Variants in LRRTM4 observed in about 807,000 individuals in gnomAD.
LRRTM4 encodes the protein leucine rich repeat transmembrane neuronal 4, also known as leucine-rich repeat transmembrane neuronal protein 4.
A neutral mutation model predicts 47.6 loss-of-function variants in LRRTM4; 25 were observed. The ratio of observed to expected loss-of-function variants is 0.53; its 90% CI spans 0.38 to 0.73. The LOEUF is 0.73. Among genes scored for constraint, LRRTM4 ranks in the 30% least tolerant of loss-of-function variants. The pLI is 0.00. For synonymous variants in LRRTM4, 311 were observed against 269.5 expected (o/e 1.15, Z -1.51); for missense variants, 638 against 713.4 (o/e 0.89, Z 1.20).
chr2:76,926,022 C>G (rs887952242), intron 3 of LRRTM4, among the ~76,000 whole-genome samples: 3 of 152,130 alleles, frequency 2.0e-5, no homozygotes, highest in African/African-American at 7.2e-5. Flanking sequence ...CCTTTTCTTT[C>G]CAACTGCTAT....
chr2:77,226,069 A>T (rs576051599), intron 3 of LRRTM4, among the ~76,000 whole-genome samples: 1 of 151,766 alleles, frequency 6.6e-6, no homozygotes, highest in South Asian at 2.1e-4. Context: ...TATAATTATT[A>T]TTGTTTTAAA....
intron 3 of LRRTM4, among the ~76,000 whole-genome samples, chr2:76,807,196 T>C (rs1486809195): frequency 6.6e-6 from 1 of 151,784 alleles, no homozygotes; most frequent in African/African-American, 2.4e-5. Flanking sequence ...ATGAACACTG[T>C]TTGACTATGG....
At chr2:77,488,977 T>C (rs1274816317) in intron 3 of LRRTM4, among the ~76,000 whole-genome samples, 1 of 135,344 alleles carries the variant, frequency 7.4e-6, no homozygotes, top group African/African-American at 2.8e-5. Context: ...AGTGCACATG[T>C]ACCCTAAAAC....
intron 3 of LRRTM4, among the ~76,000 whole-genome samples, chr2:76,927,179 C>T (rs1200811797): frequency 6.6e-6 from 1 of 151,972 alleles, no homozygotes; most frequent in Admixed American, 6.6e-5. Flanking sequence ...CCCTAGGAAC[C>T]CTCCCTTTGC....
intron 3 of LRRTM4, among the ~76,000 whole-genome samples, chr2:77,481,178 T>C (rs1321082322): frequency 1.3e-5 from 2 of 152,282 alleles, no homozygotes; most frequent in African/African-American, 4.8e-5. Flanking sequence ...TACCAAACTT[T>C]TTTCTAACAT....
In LRRTM4 at chr2:76,980,074, A is replaced by T. The variant is rs965934451; in HGVS notation, c.1552-231158T>A. Among the ~76,000 whole-genome samples, 5 of 152,168 alleles carry T rather than the reference A, an allele frequency of 3.3e-5. No individual in the cohort carries two copies. The East Asian group carries it at 9.7e-4, about 30-fold the overall frequency. On this transcript the variant is annotated intron_variant, in intron 3 of 3. Coordinates refer to ENST00000409884, the MANE Select transcript of LRRTM4 (RefSeq NM_001134745.3). ...TTTATATAATGAATAGTGAGATCAG[A>T]CTATCTCTACATAACTAAAATTATA... is the stretch of plus-strand genomic sequence containing the variant.
chr2:76,797,416 G>C (rs530246471), intron 3 of LRRTM4, among the ~76,000 whole-genome samples: 92 of 152,106 alleles, frequency 6.0e-4, no homozygotes, highest in South Asian at 4.8e-3. Flanking sequence ...AGCAAATGCT[G>C]AGAGATTTTG....
intron 3 of LRRTM4, among the ~76,000 whole-genome samples, chr2:77,085,723 C>T (rs1680688775): frequency 6.6e-6 from 1 of 152,170 alleles, no homozygotes; most frequent in Admixed American, 6.5e-5. Flanking sequence ...AAAGTGGTGT[C>T]ATATTCTATG....
At chr2:77,011,546 T>C (rs200406643) in intron 3 of LRRTM4, among the ~76,000 whole-genome samples, 13,789 of 142,322 alleles carry the variant, frequency 0.097, 924 homozygotes, top group East Asian at 0.35. Context: ...TGTGTGTGTG[T>C]GTGTGTGTGT....
chr2:77,418,727 T>C (rs1268992193), intron 3 of LRRTM4, among the ~76,000 whole-genome samples: 2 of 152,174 alleles, frequency 1.3e-5, no homozygotes, highest in Non-Finnish European at 2.9e-5. Context: ...GAACTTGTTG[T>C]TCTTCCAGCC....
At chr2:76,788,014 A>T (rs1323066349) in intron 3 of LRRTM4, among the ~76,000 whole-genome samples, 2 of 152,130 alleles carry the variant, frequency 1.3e-5, no homozygotes, top group Non-Finnish European at 2.9e-5. Context: ...AATATATGTA[A>T]AAACAATTAG....
intron 3 of LRRTM4, among the ~76,000 whole-genome samples, chr2:77,426,786 TAC>T (rs2103894718): frequency 6.6e-6 from 1 of 151,360 alleles, no homozygotes; most frequent in East Asian, 2.0e-4. Context: ...ACATAATATG[TAC>T]ACACACAGAG....
intron 3 of LRRTM4, among the ~76,000 whole-genome samples, chr2:77,207,349 G>GTATA (rs1553409290): frequency 0.43 from 52,010 of 120,556 alleles, 11,964 homozygotes; most frequent in Non-Finnish European, 0.51. Context: ...TCATATATGT[G>GTATA]TATATATATA....
chr2:77,009,627 C>G (rs1677794097), intron 3 of LRRTM4: 1 of 152,044 alleles, frequency 6.6e-6, no homozygotes, highest in Non-Finnish European at 1.5e-5. Context: ...TGTGGTAAGT[C>G]TCGCATTTTT....
intron 3 of LRRTM4, chr2:77,517,842 C>T: frequency 1.0e-6 from 1 of 986,020 alleles, no homozygotes; most frequent in Non-Finnish European, 1.2e-6. Flanking sequence ...TAAAAATTTA[C>T]AACAAAATCA....
At chr2:77,324,511 T>G (rs990872549) in intron 3 of LRRTM4, among the ~76,000 whole-genome samples, 5 of 150,862 alleles carry the variant, frequency 3.3e-5, no homozygotes, top group Admixed American at 2.6e-4. Flanking sequence ...TTCTAGATTT[T>G]TTTTAATCCA....
intron 3 of LRRTM4, among the ~76,000 whole-genome samples, chr2:77,099,742 A>G (rs1053124831): frequency 3.3e-5 from 5 of 152,072 alleles, no homozygotes; most frequent in Admixed American, 1.3e-4. Flanking sequence ...TGAAGAAACA[A>G]TTGTTTGGGT....
chr2:77,129,601 T>A (rs757244995), intron 3 of LRRTM4, among the ~76,000 whole-genome samples: 1 of 152,190 alleles, frequency 6.6e-6, no homozygotes, highest in East Asian at 1.9e-4. Flanking sequence ...ATTTTCTAGT[T>A]TCATTAAGAT....
At chr2:76,943,093 T>G (rs1324004889) in intron 3 of LRRTM4, among the ~76,000 whole-genome samples, 1 of 152,146 alleles carries the variant, frequency 6.6e-6, no homozygotes, top group African/African-American at 2.4e-5. Flanking sequence ...TACATCGTAG[T>G]TTTTAGCCCT....
Sources: gnomAD v4.1 joint callset for allele counts (sites outside exome capture counted in the v4.1 genomes callset) on GRCh38, gnomAD v4.1.1 for gene constraint, MANE v1.5 for transcripts, NCBI Gene and HGNC (gene_info 2026-07-23, HGNC 2026-07-21) for gene names.